The following KIAA1958 variants were observed in gnomAD, a reference collection of about 807,000 sequenced individuals.
The protein encoded by KIAA1958 is uncharacterized protein KIAA1958.
A neutral mutation model predicts 47.2 loss-of-function variants in KIAA1958; 14 were observed. The ratio of observed to expected loss-of-function variants is 0.30; its 90% CI spans 0.20 to 0.46. The LOEUF (loss-of-function observed/expected upper bound fraction) is 0.46, where lower values mean the gene tolerates loss of function less well. Among genes scored for constraint, KIAA1958 ranks in the 20% least tolerant of loss-of-function variants. KIAA1958 has a pLI of 1.00. For synonymous variants in KIAA1958, 354 were observed against 353.3 expected (o/e 1.00, Z -0.02); for missense variants, 803 against 909.2 (o/e 0.88, Z 1.50).
rs190564280 is a variant in KIAA1958, at chr9:112,531,455, A to G, written c.-24-42602A>G. On this transcript the variant is annotated intron_variant, in intron 1 of 3. Coordinates refer to ENST00000337530, the MANE Select transcript of KIAA1958 (RefSeq NM_133465.4). The stretch of plus-strand genomic sequence containing the variant: ...TCCTAATAAGTACGAATAAAAGACT[A>G]GAGGGAAAAATACCACAGTGTTAAC... Among the ~76,000 whole-genome samples the G allele has an allele frequency of 2.1e-3, 325 of 152,358 alleles. 2 individuals are homozygous for G. Among genetic ancestry groups the G allele is most frequent in the African/African-American group, 7.5e-3 (313 of 41,590 alleles).
chr9:112,537,262 C>T (rs1834871106), intron 1 of KIAA1958, among the ~76,000 whole-genome samples: 1 of 152,128 alleles, frequency 6.6e-6, no homozygotes, highest in South Asian at 2.1e-4. Flanking sequence ...CAAGCCACCA[C>T]ACCCGATTAA....
intron 1 of KIAA1958, among the ~76,000 whole-genome samples, chr9:112,551,187 A>G (rs1002483624): frequency 1.3e-5 from 2 of 152,158 alleles, no homozygotes; most frequent in African/African-American, 2.4e-5. Context: ...CACATGTTAT[A>G]TAACTATCAC....
At chr9:112,562,960 C>A (rs145634603) in intron 1 of KIAA1958, among the ~76,000 whole-genome samples, 160 of 150,766 alleles carry the variant, frequency 1.1e-3, no homozygotes, top group African/African-American at 3.7e-3. Context: ...GCCACCTAGC[C>A]TTTATGAATG....
intron 2 of KIAA1958, among the ~76,000 whole-genome samples, chr9:112,589,143 A>C (rs1835877505): frequency 6.6e-6 from 1 of 151,778 alleles, no homozygotes; most frequent in Non-Finnish European, 1.5e-5. Context: ...AGCTACAAAA[A>C]CTCCCACATC....
chr9:112,626,218 A>G (rs577644674), intron 2 of KIAA1958, among the ~76,000 whole-genome samples: 2 of 152,318 alleles, frequency 1.3e-5, no homozygotes, highest in Admixed American at 1.3e-4. Flanking sequence ...CTTAAATGCA[A>G]ATTATTTGTA....
chr9:112,551,366 C>A (rs1001379713), intron 1 of KIAA1958, among the ~76,000 whole-genome samples: 1 of 152,094 alleles, frequency 6.6e-6, no homozygotes, highest in African/African-American at 2.4e-5. Context: ...TGGAATCATA[C>A]GGGATTTGTC....
intron 1 of KIAA1958, among the ~76,000 whole-genome samples, chr9:112,488,398 C>G (rs1004775479): frequency 6.6e-6 from 1 of 152,032 alleles, no homozygotes; most frequent in Non-Finnish European, 1.5e-5. Flanking sequence ...TGTAGATACT[C>G]AAATAATAAA....
intron 1 of KIAA1958, among the ~76,000 whole-genome samples, chr9:112,557,098 A>C (rs1462356284): frequency 6.6e-6 from 1 of 152,084 alleles, no homozygotes; most frequent in Non-Finnish European, 1.5e-5. Flanking sequence ...AGCTGGGACT[A>C]ACGGCACGTA....
intron 3 of KIAA1958, 70 bp from the exon 4 acceptor site, chr9:112,659,193 G>T (rs571993599): frequency 3.5e-5 from 45 of 1,299,886 alleles, no homozygotes; most frequent in Admixed American, 1.3e-4. Flanking sequence ...CCCTGGTGAG[G>T]ATTAGAAGGA....
At position 112,574,839 on chromosome 9, in the gene KIAA1958, T is replaced by G. The variant is rs1341315964; in HGVS notation, c.759T>G (p.Ile253Met). The change falls in exon 2 of 4, where the codon ATT becomes ATG. Residue 253 changes from isoleucine to methionine, a missense_variant. Around this residue, in one of 2 missense-constraint regions of KIAA1958, gnomAD observed 761 missense variants for 829.3 expected, o/e 0.92. Transcript: ENST00000337530. Reference protein sequence around the residue: ...GPSCVGSAKLIPHVTSAISTE... With the variant: ...GPSCVGSAKLMPHVTSAISTE... ...CCTGTGTAGGGTCTGCTAAACTGATTCCCCATGTCACATCTGCCATCAGCA... is the reference window on the plus strand; with the variant it reads ...CCTGTGTAGGGTCTGCTAAACTGATGCCCCATGTCACATCTGCCATCAGCA... 4.3e-6 allele frequency: 7 copies of G among 1,613,886 alleles called. No homozygotes were observed. The African/African-American group carries it at 9.4e-5, about 22-fold the overall frequency.
chr9:112,606,617 A>G (rs1836240281), intron 2 of KIAA1958, among the ~76,000 whole-genome samples: 1 of 152,178 alleles, frequency 6.6e-6, no homozygotes, highest in African/African-American at 2.4e-5. Context: ...ATGTTGAGAA[A>G]ATTTTTTATC....
At chr9:112,646,588 G>T (rs1835159919) in intron 3 of KIAA1958, among the ~76,000 whole-genome samples, 2 of 152,166 alleles carry the variant, frequency 1.3e-5, no homozygotes, top group Non-Finnish European at 2.9e-5. Context: ...CAACTTGAAA[G>T]CCAGGGGTAC....
chr9:112,527,570 A>G (rs888426123), intron 1 of KIAA1958, among the ~76,000 whole-genome samples: 4 of 152,188 alleles, frequency 2.6e-5, no homozygotes, highest in African/African-American at 9.7e-5. Context: ...TAGGATGATT[A>G]TGTTTCAAAA....
At chr9:112,579,097 A>G (rs1835695839) in intron 2 of KIAA1958, among the ~76,000 whole-genome samples, 1 of 151,970 alleles carries the variant, frequency 6.6e-6, no homozygotes, top group South Asian at 2.1e-4. Flanking sequence ...AGAAATAGTA[A>G]CTCATAATCT....
Position 112,659,947 on chromosome 9 carries a change from T to G in KIAA1958, c.2029T>G (p.Ser677Ala), listed in dbSNP as rs866176594. 15 of 1,614,198 alleles carry G rather than the reference T, an allele frequency of 9.3e-6. No homozygotes were observed. The highest frequency in any genetic ancestry group is 1.3e-5 in the Non-Finnish European group (15 of 1,180,020). ...TGAGGAGCAGAGGATGGGGCTGCGCTCTCTTCGGGGAATTGTCCCAAACTT... is the reference window on the plus strand; with the variant it reads ...TGAGGAGCAGAGGATGGGGCTGCGCGCTCTTCGGGGAATTGTCCCAAACTT... ...WYEEQRMGLRSLRGIVPNLAK... is the reference protein window; with the variant it reads ...WYEEQRMGLRALRGIVPNLAK... Residue 677 changes from serine to alanine, a missense_variant, in exon 4 of 4, where the codon TCT becomes GCT. Coordinates refer to ENST00000337530, the MANE Select transcript of KIAA1958 (RefSeq NM_133465.4).
chr9:112,487,345 G>C (rs913704820), intron 1 of KIAA1958: 1 of 151,858 alleles, frequency 6.6e-6, no homozygotes, highest in African/African-American at 2.4e-5. Flanking sequence ...GGGCTTGGGG[G>C]TGCGAGGCGC....
At chr9:112,495,624 A>G (rs989775489) in intron 1 of KIAA1958, among the ~76,000 whole-genome samples, 4 of 152,252 alleles carry the variant, frequency 2.6e-5, no homozygotes, top group East Asian at 3.8e-4. Context: ...CTGTATGGCC[A>G]TATCTACTAA....
chr9:112,641,088 A>T (rs1836881410), intron 2 of KIAA1958, among the ~76,000 whole-genome samples: 2 of 152,176 alleles, frequency 1.3e-5, no homozygotes, highest in South Asian at 4.1e-4. Flanking sequence ...GTTAAAAATA[A>T]ATGTTTGCTC....
chr9:112,644,207 A>C (rs2131241868), intron 2 of KIAA1958, among the ~76,000 whole-genome samples: 1 of 152,068 alleles, frequency 6.6e-6, no homozygotes. Context: ...AAAAACAAAA[A>C]ACAACCATGT....
Sources: gnomAD v4.1 joint callset for allele counts (sites outside exome capture counted in the v4.1 genomes callset) on GRCh38, gnomAD v4.1.1 for gene constraint, gnomAD v4.1.1 regional missense constraint, MANE v1.5 for transcripts, NCBI Gene and HGNC (gene_info 2026-07-23, HGNC 2026-07-21) for gene names.